Variants in EBF1 observed in about 807,000 individuals in gnomAD.
EBF1 encodes the protein transcription factor COE1.
EBF1 carries 10 observed loss-of-function variants against 68.4 expected under a neutral mutation model. The observed-to-expected ratio is 0.15, with a 90% CI of 0.09 to 0.25. The LOEUF is 0.25. Among genes scored for constraint, EBF1 ranks in the 10% least tolerant of loss-of-function variants. The pLI is 1.00. For synonymous variants in EBF1, 298 were observed against 299.8 expected (o/e 0.99, Z 0.06); for missense variants, 509 against 794.4 (o/e 0.64, Z 4.32).
intron 6 of EBF1, among the ~76,000 whole-genome samples, chr5:158,915,064 G>A (rs1282294333): frequency 6.6e-6 from 1 of 152,174 alleles, no homozygotes. Flanking sequence ...CAAGTTCACT[G>A]GACTGCTAGG....
chr5:159,051,120 T>C (rs1248173635), intron 6 of EBF1, among the ~76,000 whole-genome samples: 3 of 152,072 alleles, frequency 2.0e-5, no homozygotes, highest in Admixed American at 6.5e-5. Context: ...CCTAACCAAG[T>C]AACCTATGAA....
intron 8 of EBF1, among the ~76,000 whole-genome samples, chr5:158,807,695 G>A (rs1202755566): frequency 6.6e-6 from 1 of 152,042 alleles, no homozygotes; most frequent in Non-Finnish European, 1.5e-5. Flanking sequence ...ACATAATCAT[G>A]GCCAATTCTG....
chr5:158,735,028 T>C (rs905319260), intron 10 of EBF1, among the ~76,000 whole-genome samples: 4 of 152,174 alleles, frequency 2.6e-5, no homozygotes, highest in Non-Finnish European at 5.9e-5. Flanking sequence ...CCAAAAGACA[T>C]TAAATTATCC....
intron 8 of EBF1, among the ~76,000 whole-genome samples, chr5:158,803,675 TAAAC>T (rs142854285): frequency 0.034 from 5,191 of 152,010 alleles, 130 homozygotes; most frequent in Middle Eastern, 0.058. Flanking sequence ...ACTCAGCCAA[TAAAC>T]AAACAAACAA....
chr5:158,810,951 G>A (rs1053825118), intron 8 of EBF1, among the ~76,000 whole-genome samples: 2 of 152,158 alleles, frequency 1.3e-5, no homozygotes, highest in African/African-American at 2.4e-5. Context: ...CGGCAGGCCG[G>A]CAGAAAAGCC....
At chr5:159,082,935 C>T (rs748994920) in intron 5 of EBF1, among the ~76,000 whole-genome samples, 1 of 152,092 alleles carries the variant, frequency 6.6e-6, no homozygotes, top group Admixed American at 6.5e-5. Flanking sequence ...TACTTTGGAC[C>T]AGTGAATTTT....
intron 1 of EBF1, chr5:159,097,639 C>T (rs1322574391): frequency 8.5e-6 from 2 of 234,894 alleles, no homozygotes; most frequent in Non-Finnish European, 1.7e-5. Context: ...ACTGCGAGTG[C>T]CCGGCCTTGG....
intron 10 of EBF1, among the ~76,000 whole-genome samples, chr5:158,751,010 G>T (rs1261912819): frequency 2.0e-5 from 3 of 152,062 alleles, no homozygotes; most frequent in African/African-American, 7.2e-5. Context: ...AAATTTTAAT[G>T]CGTGGGAAAA....
intron 10 of EBF1, among the ~76,000 whole-genome samples, chr5:158,732,166 C>A (rs143811372): frequency 1.4e-4 from 21 of 152,182 alleles, no homozygotes; most frequent in African/African-American, 4.8e-4. Flanking sequence ...AAGTGCTCAA[C>A]CATGTATTTT....
At position 158,864,586 on chromosome 5, in the gene EBF1, T is replaced by TG. The variant is rs1795543369; in HGVS notation, c.555-24477dup. ...CTCCCTCCAACGACTGACTTTCTAG[T>TG]GGGGAAAAAAGACAAAAAACAAGTG... On this transcript the variant is annotated intron_variant, in intron 6 of 15. Coordinates refer to ENST00000313708, the MANE Select transcript of EBF1 (RefSeq NM_024007.5). 4.0e-5 allele frequency among the ~76,000 whole-genome samples: 6 copies of TG among 151,680 alleles called. No individual in the cohort carries two copies. The South Asian group carries it at 1.2e-3, about 32-fold the overall frequency.
chr5:158,946,437 G>C (rs1814729258), intron 6 of EBF1, among the ~76,000 whole-genome samples: 1 of 152,108 alleles, frequency 6.6e-6, no homozygotes, highest in Non-Finnish European at 1.5e-5. Context: ...CTAACAGTCA[G>C]GCCCCTCTTC....
intron 6 of EBF1, among the ~76,000 whole-genome samples, chr5:158,937,051 C>A (rs954974785): frequency 6.6e-6 from 1 of 151,868 alleles, no homozygotes; most frequent in African/African-American, 2.4e-5. Flanking sequence ...TGGGGAGGGT[C>A]ATTTCAGTCT....
In EBF1 at chr5:158,981,684, G is replaced by A. The variant is rs1256032648; in HGVS notation, c.554+91712C>T. 2.0e-5 allele frequency among the ~76,000 whole-genome samples: 3 copies of A among 152,082 alleles called. No individual in the cohort carries two copies. In the East Asian group the frequency reaches 5.8e-4, roughly 29 times the overall value. ...TAAACATTCAAGTACCCTGAGTTCT[G>A]TATTTTTAAAGGTTTTATGTTGTTG... is the stretch of plus-strand genomic sequence containing the variant. On this transcript the variant is annotated intron_variant, in intron 6 of 15. Transcript: ENST00000313708.
At chr5:158,785,240 A>C (rs960392235) in intron 9 of EBF1, among the ~76,000 whole-genome samples, 2 of 152,200 alleles carry the variant, frequency 1.3e-5, no homozygotes, top group Admixed American at 1.3e-4. Flanking sequence ...TTAGGGAACA[A>C]ACAGGCAAAC....
intron 5 of EBF1, among the ~76,000 whole-genome samples, chr5:159,075,552 G>GC (rs1778612091): frequency 6.6e-6 from 1 of 152,180 alleles, no homozygotes; most frequent in Non-Finnish European, 1.5e-5. Flanking sequence ...ACAAGGGTCT[G>GC]TTTTTAAAGC....
chr5:158,745,406 G>A (rs531995084), intron 10 of EBF1, among the ~76,000 whole-genome samples: 1 of 152,302 alleles, frequency 6.6e-6, no homozygotes, highest in Admixed American at 6.5e-5. Flanking sequence ...CATCAAAAGT[G>A]GGTTTGCTGT....
chr5:159,092,948 G>A (rs1037759461), intron 4 of EBF1, among the ~76,000 whole-genome samples: 1 of 152,142 alleles, frequency 6.6e-6, no homozygotes, highest in African/African-American at 2.4e-5. Flanking sequence ...ACTTACATCT[G>A]ATTTAAGGAG....
At chr5:158,904,900 A>G (rs934702175) in intron 6 of EBF1, among the ~76,000 whole-genome samples, 7 of 152,178 alleles carry the variant, frequency 4.6e-5, no homozygotes, top group Non-Finnish European at 8.8e-5. Flanking sequence ...GTTATTCTCC[A>G]GCATTAAGAC....
At chr5:158,992,998 G>A (rs562646114) in intron 6 of EBF1, among the ~76,000 whole-genome samples, 28 of 131,102 alleles carry the variant, frequency 2.1e-4, no homozygotes, top group African/African-American at 7.7e-4. Flanking sequence ...GAGCAATCTC[G>A]GCTCACTGCA....
Sources: gnomAD v4.1 joint callset for allele counts (sites outside exome capture counted in the v4.1 genomes callset) on GRCh38, gnomAD v4.1.1 for gene constraint, MANE v1.5 for transcripts, NCBI Gene and HGNC (gene_info 2026-07-23, HGNC 2026-07-21) for gene names.